Variants in ARFRP1 observed in about 807,000 individuals in gnomAD.
The protein encoded by ARFRP1 is ARF related protein 1, also known as ADP-ribosylation factor-related protein 1.
In ARFRP1, 19 loss-of-function variants were observed where a neutral mutation model predicts 30.3. The ratio of observed to expected loss-of-function variants is 0.63; its 90% CI spans 0.44 to 0.92. ARFRP1 has a LOEUF of 0.92. Ranked by LOEUF, ARFRP1 falls within the 40% of genes least tolerant of loss-of-function variation. ARFRP1 has a pLI of 0.00. For synonymous variants in ARFRP1, 133 were observed against 114.2 expected, an observed-to-expected ratio of 1.16 and a Z score of -1.05; for missense variants, 245 against 267.5, an observed-to-expected ratio of 0.92 and a Z score of 0.59.
chr20:63,702,160 G>T lies in ARFRP1; in HGVS notation c.322C>A (p.Leu108Met). 1 of 1,611,756 alleles carries T rather than the reference G, an allele frequency of 6.2e-7. No individual in the cohort carries two copies. Among genetic ancestry groups the T allele is most frequent in the East Asian group, 2.2e-5 (1 of 44,842 alleles). ...YVIDSTDEER[L>M]AESKQAFEKV... ...CCAAACGCCTGCTTGGACTCAGCCA[G>T]CCTCTCCTCGTCGGTGGAGTCAATG... is the stretch of plus-strand genomic sequence containing the variant. The change falls in exon 5 of 8, where the codon CTG becomes ATG. Residue 108 changes from leucine to methionine, a missense_variant. By Grantham distance (15) the Leu-to-Met change is conservative (BLOSUM62 2). Coordinates refer to ENST00000622789, the MANE Select transcript of ARFRP1 (RefSeq NM_001267547.3).
chr20:63,702,299 TGA>T (rs1490315226), intron 4 of ARFRP1, 82 bp from the exon 5 acceptor site: 1 of 1,348,962 alleles, frequency 7.4e-7, no homozygotes, highest in Non-Finnish European at 1.0e-6. Flanking sequence ...ATGGCCACAG[TGA>T]GGGGCTCACA....
intron 5 of ARFRP1, 98 bp from the exon 6 acceptor site, chr20:63,701,998 G>GCACCCCCCCCCCCCCCCCCCC: frequency 1.7e-6 from 1 of 583,916 alleles, no homozygotes; most frequent in Non-Finnish European, 2.6e-6. Flanking sequence ...CACTCCCTCT[G>GCACCCCCCCCCCCCCCCCCCC]CCCCCCCCCC....
rs771546348 is a variant in ARFRP1, at chr20:63,702,220, G to A, written c.265-3C>T. ...ACGCCGTGACACTCCGCATAATACTGGGAGGAAGCACCAGGAGTTGGGGCT... is the reference window on the plus strand; with the variant it reads ...ACGCCGTGACACTCCGCATAATACTAGGAGGAAGCACCAGGAGTTGGGGCT... On this transcript the variant is annotated splice_region_variant and splice_polypyrimidine_tract_variant and intron_variant, in intron 4 of 7. Transcript: ENST00000622789. 3.1e-6 allele frequency: 5 copies of A among 1,611,254 alleles called. No individual in the cohort carries two copies. Among genetic ancestry groups the A allele is most frequent in the Non-Finnish European group, 4.2e-6 (5 of 1,179,396 alleles).
intron 4 of ARFRP1, chr20:63,706,060 T>C (rs746142630): frequency 1.8e-5 from 7 of 387,362 alleles, no homozygotes; most frequent in Non-Finnish European, 3.5e-5. Flanking sequence ...CCCTAATACA[T>C]GCTCTGATCT....
intron 4 of ARFRP1, chr20:63,704,069 G>A (rs1363045808): frequency 6.6e-6 from 1 of 152,326 alleles, no homozygotes; most frequent in African/African-American, 2.4e-5. Flanking sequence ...AGAGACTAGT[G>A]TTACAGCAAA....
intron 4 of ARFRP1, 124 bp from the exon 5 acceptor site, chr20:63,702,341 C>T: frequency 1.2e-6 from 1 of 856,490 alleles, no homozygotes; most frequent in South Asian, 1.6e-5. Flanking sequence ...CAGCCCCCAA[C>T]TGCAAGACCC....
chr20:63,704,756 T>G (rs1255857544), intron 4 of ARFRP1: 1 of 152,244 alleles, frequency 6.6e-6, no homozygotes, highest in Non-Finnish European at 1.5e-5. Context: ...CCCACTGTAT[T>G]CTTGCTTCAT....
chr20:63,707,853 A>AGCCTGCGGCCT lies in ARFRP1; in HGVS notation c.-7+3_-7+13dup, dbSNP rs2091573365. On this transcript the variant is annotated intron_variant, in intron 1 of 7. Coordinates refer to ENST00000622789, the MANE Select transcript of ARFRP1 (RefSeq NM_001267547.3). Reference sequence around the variant, plus strand: ...CCTCGGGCCTCGCGCCTCACCGCACAGCCTGCGGCCTACCTGCGTCCGCCG... The same window carrying AGCCTGCGGCCT: ...CCTCGGGCCTCGCGCCTCACCGCACAGCCTGCGGCCTGCCTGCGGCCTACCTGCGTCCGCCG... 6.6e-6 allele frequency: 1 copy of AGCCTGCGGCCT among 152,436 alleles called. No individual in the cohort carries two copies. Among genetic ancestry groups the AGCCTGCGGCCT allele is most frequent in the African/African-American group, 2.4e-5 (1 of 41,444 alleles). 9.4% of individuals were successfully genotyped at this position (152,436 alleles called of 1,614,324 possible).
chr20:63,701,354 T>G (rs772408051), intron 6 of ARFRP1: 2 of 536,848 alleles, frequency 3.7e-6, no homozygotes, highest in African/African-American at 3.8e-5. Flanking sequence ...GAACTCAGCG[T>G]GGCCAGTGCT....
intron 5 of ARFRP1, 98 bp from the exon 6 acceptor site, chr20:63,701,998 G>GGGGCCCCCCCCC: frequency 3.4e-6 from 2 of 583,916 alleles, no homozygotes; most frequent in Non-Finnish European, 5.1e-6. Flanking sequence ...CACTCCCTCT[G>GGGGCCCCCCCCC]CCCCCCCCCC....
At position 63,706,967 on chromosome 20, in the gene ARFRP1, G is replaced by C. The variant is rs759129647; in HGVS notation, c.93+32C>G. ...CCGAAGGGGGCGCCGCCAGGCCGTG[G>C]GAAAGGTGCGCGCAAGGGCGTGGGC... On this transcript the variant is annotated intron_variant, in intron 2 of 7. Coordinates refer to ENST00000622789, the MANE Select transcript of ARFRP1 (RefSeq NM_001267547.3). 17 of 1,611,402 alleles carry C rather than the reference G, an allele frequency of 1.1e-5. 1 individual carries two copies. In the South Asian group the frequency reaches 1.9e-4, roughly 18 times the overall value.
At chr20:63,702,385 T>C in intron 4 of ARFRP1, 168 bp from the exon 5 acceptor site, 1 of 645,604 alleles carries the variant, frequency 1.5e-6, no homozygotes, top group East Asian at 2.8e-5. Context: ...CGGGGAGATC[T>C]GGTGGAGGTG....
At chr20:63,701,488 C>T in intron 6 of ARFRP1, 1 of 500,122 alleles carries the variant, frequency 2.0e-6, no homozygotes, top group Non-Finnish European at 3.8e-6. Flanking sequence ...ACCAGGGCCC[C>T]AGCATCACTT....
In ARFRP1 at chr20:63,701,883, C is replaced by T. The variant is rs762011290; in HGVS notation, c.364G>A (p.Glu122Lys). ...AAGACGGGGACACCGCACAGCGCCT[C>T]GCTGGTCACCACCTTCTCTGGGGAG... ...KQAFEKVVTS[E>K]ALCGVPVLVL... is the part of the protein sequence containing the mutation. Residue 122 changes from glutamate to lysine, a missense_variant, in exon 6 of 8, where the codon GAG (glutamate) becomes AAG (lysine). Glu to Lys is a moderately conservative substitution (Grantham distance 56, BLOSUM62 1). Transcript: ENST00000622789. 4 of 1,550,188 alleles carry T rather than the reference C, an allele frequency of 2.6e-6. No individual in the cohort carries two copies. Among genetic ancestry groups the T allele is most frequent in the South Asian group, 2.4e-5 (2 of 84,080 alleles).
intron 4 of ARFRP1, chr20:63,702,680 GCT>G: frequency 5.4e-6 from 1 of 185,874 alleles, no homozygotes; most frequent in Admixed American, 5.6e-5. Context: ...GCTGTAGTGA[GCT>G]CTGATCACAC....
chr20:63,706,544 G>A, intron 3 of ARFRP1, 105 bp from the exon 4 acceptor site: 1 of 1,510,116 alleles, frequency 6.6e-7, no homozygotes, highest in East Asian at 2.3e-5. Context: ...CCACTCAAAT[G>A]AGACTTGAGA....
chr20:63,706,380 C>T lies in ARFRP1; in HGVS notation c.241G>A (p.Glu81Lys). The T allele has an allele frequency of 1.9e-6, 3 of 1,613,448 alleles. No homozygotes were observed. The highest frequency in any genetic ancestry group is 2.5e-6 in the Non-Finnish European group (3 of 1,179,992). ...LMFWDLGGQE[E>K]LQSLWDKYYA... ...ACCTTGTCCCACAAAGACTGCAGCTCTTCCTGCCCTCCTAAGTCCCAGAAC... is the reference window on the plus strand; with the variant it reads ...ACCTTGTCCCACAAAGACTGCAGCTTTTCCTGCCCTCCTAAGTCCCAGAAC... The change falls in exon 4 of 8, where the codon GAG (glutamate) becomes AAG (lysine). Residue 81 changes from glutamate (E) to lysine (K), a missense_variant. Glu to Lys is a moderately conservative substitution (Grantham distance 56). Transcript: ENST00000622789.
Position 63,702,187 on chromosome 20 carries a change from C to T in ARFRP1, c.295G>A (p.Val99Ile), listed in dbSNP as rs190256963. ...CTCTCCTCGTCGGTGGAGTCAATGA[C>T]GTAGATGACGCCGTGACACTCCGCA... The part of the protein sequence containing the change: ...YYAECHGVIY[V>I]IDSTDEERLA... The change falls in exon 5 of 8, where the codon GTC (valine) becomes ATC (isoleucine). Residue 99 changes from valine (V) to isoleucine (I), a missense_variant. Val to Ile is a conservative substitution (Grantham distance 29). Transcript: ENST00000622789. The T allele has an allele frequency of 5.0e-5, 80 of 1,612,066 alleles. 1 individual carries two copies. Among genetic ancestry groups the T allele is most frequent in the Admixed American group, 2.5e-4 (15 of 59,998 alleles).
In ARFRP1 at chr20:63,702,143, C is replaced by T. The variant is rs1262727562; in HGVS notation, c.339G>A (p.Gln113=). The T allele has an allele frequency of 3.1e-6, 5 of 1,611,208 alleles. No homozygotes were observed. The highest frequency in any genetic ancestry group is 1.3e-5 in the African/African-American group (1 of 74,906). The stretch of plus-strand genomic sequence containing the variant: ...CAGCCAGGCCGCACTCACCAAACGC[C>T]TGCTTGGACTCAGCCAGCCTCTCCT... ...TDEERLAESK[Q]AFEKVVTSEA... The change falls in exon 5 of 8, where the codon CAG becomes CAA. Residue 113 remains glutamine (Q), a synonymous_variant. Transcript: ENST00000622789.
Sources: gnomAD v4.1 joint callset for allele counts on GRCh38, gnomAD v4.1.1 for gene constraint, MANE v1.5 for transcripts, NCBI Gene and HGNC (gene_info 2026-07-23, HGNC 2026-07-21) for gene names.